Variants in GJB6 observed in about 807,000 individuals in gnomAD.
The protein encoded by GJB6 is gap junction protein beta 6.
Under a neutral mutation model 5.4 loss-of-function variants are expected in GJB6, and 5 were observed. The ratio of observed to expected loss-of-function variants is 0.92; its 90% confidence interval spans 0.48 to 1.93. The LOEUF (loss-of-function observed/expected upper bound fraction) is 1.93, where lower values mean the gene tolerates loss of function less well. Ranked by LOEUF, GJB6 falls within the 30% of genes most tolerant of loss-of-function variation. GJB6 has a pLI of 0.01. For missense variants in GJB6, 298 were observed against 326.9 expected, an observed-to-expected ratio of 0.91 and a Z score of 0.68; for synonymous variants, 136 against 129.6, an observed-to-expected ratio of 1.05 and a Z score of -0.34.
At chr13:20,223,529 T>C (rs1038328965) in intron 4 of GJB6, 34 bp from the exon 5 acceptor site, 1 of 1,523,120 alleles carries the variant, frequency 6.6e-7, no homozygotes. Flanking sequence ...GGTTTATTAG[T>C]GGAAGAGGCC....
intron 4 of GJB6, among the ~76,000 whole-genome samples, chr13:20,224,637 A>G (rs1187862985): frequency 6.6e-6 from 1 of 152,216 alleles, no homozygotes; most frequent in East Asian, 1.9e-4. Flanking sequence ...CACTTTTGCT[A>G]TAATTCAAAC....
rs727505123 is a variant in GJB6, at chr13:20,223,272, G to A, written c.209C>T (p.Pro70Leu). Residue 70 changes from proline to leucine, a missense_variant, in exon 5 of 5, where the codon CCG (proline) becomes CTG (leucine). Pro to Leu is a moderately conservative substitution (Grantham distance 98, BLOSUM62 -3). Transcript: ENST00000647029. The part of the protein sequence containing the change: ...CKNVCYDHFF[P>L]VSHIRLWALQ... ...GGCCCACAGCCGGATGTGGGACACCGGGAAAAAGTGGTCATAGCACACATT... is the reference window on the plus strand; with the variant it reads ...GGCCCACAGCCGGATGTGGGACACCAGGAAAAAGTGGTCATAGCACACATT... 44 of 1,612,108 alleles carry A rather than the reference G, an allele frequency of 2.7e-5. 1 individual carries two copies. In the Middle Eastern group the frequency reaches 3.0e-3, roughly 109 times the overall value.
At chr13:20,228,685 CGT>C (rs1491004457) in intron 4 of GJB6, among the ~76,000 whole-genome samples, 2 of 96,348 alleles carry the variant, frequency 2.1e-5, no homozygotes, top group East Asian at 1.2e-3. Flanking sequence ...GGGGTTTCAC[CGT>C]GTTAGCCAGG....
Position 20,222,725 on chromosome 13 carries a change from A to G in GJB6, c.756T>C (p.Gly252=), listed in dbSNP as rs754458181. Residue 252 remains glycine (G), a synonymous_variant, in exon 5 of 5, where the codon GGT becomes GGC. Coordinates refer to ENST00000647029, the MANE Select transcript of GJB6 (RefSeq NM_001110219.3). The stretch of plus-strand genomic sequence containing the variant: ...TTGGGAAACCTGTGATTGCATTTTG[A>G]CCACTATCTGAAATCAGCTCATTCA... ...NEMNELISDS[G]QNAITGFPS is the part of the protein sequence containing the mutation. 3.1e-6 allele frequency: 5 copies of G among 1,614,110 alleles called. No individual in the cohort carries two copies. Among genetic ancestry groups the G allele is most frequent in the South Asian group, 2.2e-5 (2 of 91,072 alleles).
chr13:20,226,108 A>G (rs1869559781), intron 4 of GJB6, among the ~76,000 whole-genome samples: 1 of 152,132 alleles, frequency 6.6e-6, no homozygotes, highest in Admixed American at 6.5e-5. Context: ...GTGTGTGGAC[A>G]GATGGAAGAG....
At chr13:20,231,218 C>T (rs1870060324) in intron 2 of GJB6, 164 bp downstream of exon 2, 1 of 152,266 alleles carries the variant, frequency 6.6e-6, no homozygotes, top group African/African-American at 2.4e-5. Context: ...GGCATAAAGT[C>T]TACTTGAGGG....
At chr13:20,228,188 T>C (rs1319580021) in intron 4 of GJB6, among the ~76,000 whole-genome samples, 4 of 152,252 alleles carry the variant, frequency 2.6e-5, no homozygotes, top group Non-Finnish European at 5.9e-5. Context: ...GTAAACAAAG[T>C]ACCTCTTTCC....
At chr13:20,226,639 A>T (rs1168405199) in intron 4 of GJB6, among the ~76,000 whole-genome samples, 1 of 152,234 alleles carries the variant, frequency 6.6e-6, no homozygotes, top group African/African-American at 2.4e-5. Context: ...AGCATTTCAA[A>T]ATGTGACCAG....
At chr13:20,226,454 T>C (rs1869585885) in intron 4 of GJB6, among the ~76,000 whole-genome samples, 1 of 152,308 alleles carries the variant, frequency 6.6e-6, no homozygotes, top group East Asian at 1.9e-4. Context: ...GTGTATGTAC[T>C]AATGCCTCCC....
At position 20,222,144 on chromosome 13, in the gene GJB6, A is replaced by T. The variant is rs1163049832; in HGVS notation, c.*551T>A. 2 of 158,182 alleles carry T rather than the reference A, an allele frequency of 1.3e-5. No homozygotes were observed. The highest frequency in any genetic ancestry group is 2.8e-5 in the Non-Finnish European group (2 of 71,514). 9.8% of individuals were successfully genotyped at this position (158,182 alleles called of 1,614,324 possible). ...CACTTTCCACCTTAAGCGTATCATG[A>T]CAGTTCACAAATTTGCCAACAGACA... On this transcript the variant is annotated 3_prime_UTR_variant, in exon 5 of 5. Transcript: ENST00000647029.
chr13:20,227,402 C>T (rs1183189848), intron 4 of GJB6, among the ~76,000 whole-genome samples: 1 of 152,150 alleles, frequency 6.6e-6, no homozygotes, highest in Non-Finnish European at 1.5e-5. Flanking sequence ...GTGTCTAACT[C>T]CCCGGTCACT....
Position 20,223,412 on chromosome 13 carries a change from C to T in GJB6, c.69G>A (p.Val23=), listed in dbSNP as rs1869360648. Residue 23 remains valine (V), a synonymous_variant, in exon 5 of 5, where the codon GTG becomes GTA. Coordinates refer to ENST00000647029, the MANE Select transcript of GJB6 (RefSeq NM_001110219.3). ...GGAAAATAAAGATGACTGTGATCCA[C>T]ACCTTCCCGATGCTGGTGGAGTGTT... ...VNKHSTSIGK[V]WITVIFIFRV... is the part of the protein sequence containing the mutation. 5.6e-6 allele frequency: 9 copies of T among 1,614,030 alleles called. No individual in the cohort carries two copies. Among genetic ancestry groups the T allele is most frequent in the Non-Finnish European group, 7.6e-6 (9 of 1,179,994 alleles).
chr13:20,222,454 G>A lies in GJB6; in HGVS notation c.*241C>T. On this transcript the variant is annotated 3_prime_UTR_variant, in exon 5 of 5. Transcript: ENST00000647029. ...CAGAGAGTCCACTTAAAAGGAACCT[G>A]TCAAAGTGACTGCAATGCTCCTTTG... The A allele has an allele frequency of 1.9e-6, 1 of 534,846 alleles. No homozygotes were observed. Among genetic ancestry groups the A allele is most frequent in the Non-Finnish European group, 3.3e-6 (1 of 301,382 alleles). The allele number at this position is 534,846 out of a possible 1,614,324, so 33.1% of individuals were successfully genotyped here.
Position 20,229,315 on chromosome 13 carries a change from ATTT to A in GJB6, c.-16+262_-16+264del, listed in dbSNP as rs60451416. 0.026 allele frequency among the ~76,000 whole-genome samples: 1,453 copies of A among 55,092 alleles called. 45 individuals carry two copies. The highest frequency in any genetic ancestry group is 0.087 in the African/African-American group (1,367 of 15,668). The allele number at this position is 55,092 out of a possible 152,430, so 36.1% of individuals were successfully genotyped here. A position where few individuals can be genotyped will look rare whatever the true frequency, so the allele number is the denominator to read the frequency against. On this transcript the variant is annotated intron_variant, in intron 4 of 4. Transcript: ENST00000647029. Reference sequence around the variant, plus strand: ...AGGCATATGCCACCATACCTGGTTAATTTTTTTTTTTTTTTTTTTTTTTTTTTT... The same window carrying A: ...AGGCATATGCCACCATACCTGGTTAATTTTTTTTTTTTTTTTTTTTTTTTT...
At chr13:20,229,314 A>ATTTTT (rs1566542797) in intron 4 of GJB6, among the ~76,000 whole-genome samples, 1 of 87,336 alleles carries the variant, frequency 1.1e-5, no homozygotes. Context: ...ATACCTGGTT[A>ATTTTT]ATTTTTTTTT....
chr13:20,230,951 G>A (rs1227903213), intron 2 of GJB6, 144 bp from the exon 3 acceptor site: 1 of 152,202 alleles, frequency 6.6e-6, no homozygotes, highest in Admixed American at 6.5e-5. Flanking sequence ...CAGTGGCAAT[G>A]AGGCGCTCTC....
chr13:20,223,166 C>A lies in GJB6; in HGVS notation c.315G>T (p.Lys105Asn), dbSNP rs770543700. 1 of 1,613,736 alleles carries A rather than the reference C, an allele frequency of 6.2e-7. No individual in the cohort carries two copies. Among genetic ancestry groups the A allele is most frequent in the Non-Finnish European group, 8.5e-7 (1 of 1,179,658 alleles). Residue 105 changes from lysine (K) to asparagine (N), a missense_variant, in exon 5 of 5, where the codon AAG (lysine) becomes AAT (asparagine). Transcript: ENST00000647029. ...CATTCCTCTTCTCTCCTCGCCTGAA[C>A]TTGCGAGTGGTTTCGTGCCTGTAGT... ...VAYYRHETTR[K>N]FRRGEKRNDF...
In GJB6 at chr13:20,222,480, TCAAG is replaced by T; in HGVS notation, c.*211_*214del. On this transcript the variant is annotated 3_prime_UTR_variant, in exon 5 of 5. Transcript: ENST00000647029. ...TCAAAGTGACTGCAATGCTCCTTTG[TCAAG>T]CAGTCTCTTGTTTTCAGAGATGGAC... The T allele has an allele frequency of 1.7e-6, 1 of 580,028 alleles. No individual in the cohort carries two copies. Among genetic ancestry groups the T allele is most frequent in the Non-Finnish European group, 3.1e-6 (1 of 326,804 alleles). The allele number at this position is 580,028 out of a possible 1,614,324, so 35.9% of individuals were successfully genotyped here. A position where few individuals can be genotyped will look rare whatever the true frequency, so the allele number is the denominator to read the frequency against.
At position 20,223,130 on chromosome 13, in the gene GJB6, G is replaced by A. The variant is rs751774202; in HGVS notation, c.351C>T (p.Asp117=). 14 of 1,614,012 alleles carry A rather than the reference G, an allele frequency of 8.7e-6. 1 individual carries two copies. In the South Asian group the frequency reaches 1.5e-4, roughly 18 times the overall value. Residue 117 remains aspartate (D), a synonymous_variant, in exon 5 of 5, where the codon GAC becomes GAT. Transcript: ENST00000647029. ...RRGEKRNDFK[D]IEDIKKQKVR... is the part of the protein sequence containing the mutation. ...CCTTCTGCTTTTTAATGTCCTCTAT[G>A]TCTTTGAAATCATTCCTCTTCTCTC...
Sources: allele counts gnomAD v4.1 joint callset (sites outside exome capture counted in the v4.1 genomes callset), GRCh38; gene constraint gnomAD v4.1.1; transcripts MANE v1.5; gene names NCBI Gene and HGNC (gene_info 2026-07-23, HGNC 2026-07-21).